The following CDK6 variants were observed in gnomAD, a reference collection of about 807,000 sequenced individuals.
The protein encoded by CDK6 is cyclin dependent kinase 6.
A neutral mutation model predicts 37.1 loss-of-function variants in CDK6; 6 were observed. The ratio of observed to expected loss-of-function variants is 0.16; its 90% CI spans 0.09 to 0.32. The LOEUF is 0.32. Ranked by LOEUF, CDK6 falls within the 10% of genes least tolerant of loss-of-function variation. The pLI is 1.00. For missense variants in CDK6, 224 were observed against 418.9 expected (o/e 0.53, Z 4.06); for synonymous variants, 160 against 161.3 (o/e 0.99, Z 0.06).
In CDK6 at chr7:92,834,545, A is replaced by G. The variant is rs1214445068; in HGVS notation, c.-367-855T>C. Among the ~76,000 whole-genome samples the G allele has an allele frequency of 3.3e-5, 5 of 151,858 alleles. No individual in the cohort carries two copies. The East Asian group carries it at 9.8e-4, about 30-fold the overall frequency. The stretch of plus-strand genomic sequence containing the variant: ...CCACGGGATCCCAAGGGTGGGAGAA[A>G]GGGGTGTTCGCCACAATTTCGCTTG... On this transcript the variant is annotated intron_variant, in intron 1 of 7. Transcript: ENST00000424848. This position sits in a 1 kb window ranked among gnomAD's most constrained non-coding sequence, Gnocchi z 4.6.
chr7:92,826,156 C>T (rs186091301), intron 2 of CDK6, among the ~76,000 whole-genome samples: 201 of 152,196 alleles, frequency 1.3e-3, no homozygotes, highest in Non-Finnish European at 2.4e-3. Context: ...TACGTATTCA[C>T]CTTATATCCA....
At chr7:92,826,582 G>C (rs887615014) in intron 2 of CDK6, among the ~76,000 whole-genome samples, 1 of 152,072 alleles carries the variant, frequency 6.6e-6, no homozygotes, top group African/African-American at 2.4e-5. Flanking sequence ...CTGTCTGTAG[G>C]ATACATGTTA....
At chr7:92,785,350 G>T (rs532811460) in intron 2 of CDK6, among the ~76,000 whole-genome samples, 1 of 152,120 alleles carries the variant, frequency 6.6e-6, no homozygotes, top group Non-Finnish European at 1.5e-5. Flanking sequence ...TATAGAAATC[G>T]AAAGTGGATT....
chr7:92,779,337 A>G (rs1799928709), intron 2 of CDK6, among the ~76,000 whole-genome samples: 2 of 152,308 alleles, frequency 1.3e-5, no homozygotes, highest in South Asian at 4.1e-4. Flanking sequence ...AACCTTGGAG[A>G]AAAAAGGACT....
At chr7:92,740,404 C>T (rs1798891905) in intron 3 of CDK6, among the ~76,000 whole-genome samples, 1 of 152,294 alleles carries the variant, frequency 6.6e-6, no homozygotes, top group Admixed American at 6.5e-5. Flanking sequence ...TGGCCACATC[C>T]TGGGCAATTC....
At chr7:92,702,364 CTGGGATTACAGGTGTGT>C (rs1210514093) in intron 4 of CDK6, among the ~76,000 whole-genome samples, 1 of 149,744 alleles carries the variant, frequency 6.7e-6, no homozygotes, top group Non-Finnish European at 1.5e-5. Context: ...TCCCGAGTAG[CTGGGATTACAGGTGTGT>C]ACCACCATGC....
chr7:92,645,944 G>A (rs1275778939), intron 5 of CDK6, among the ~76,000 whole-genome samples: 1 of 152,192 alleles, frequency 6.6e-6, no homozygotes, highest in Non-Finnish European at 1.5e-5. Flanking sequence ...GAGTCATAAA[G>A]ACTGTGTGAT....
At chr7:92,732,103 T>C (rs1318344914) in intron 3 of CDK6, among the ~76,000 whole-genome samples, 3 of 152,206 alleles carry the variant, frequency 2.0e-5, no homozygotes, top group African/African-American at 7.2e-5. Context: ...TATTTCCCCA[T>C]TTCAACACAC....
At chr7:92,645,328 C>T (rs1295425413) in intron 5 of CDK6, among the ~76,000 whole-genome samples, 3 of 152,204 alleles carry the variant, frequency 2.0e-5, no homozygotes, top group African/African-American at 7.2e-5. Context: ...CCCTAACATA[C>T]CCACACAGGA....
chr7:92,640,936 CATGCCTACT>C (rs1796290674), intron 5 of CDK6, among the ~76,000 whole-genome samples: 1 of 152,160 alleles, frequency 6.6e-6, no homozygotes, highest in Admixed American at 6.5e-5. Context: ...ATATTTACTA[CATGCCTACT>C]ATGTACCAGG....
chr7:92,608,525 T>C lies in CDK6; in HGVS notation c.*6615A>G, dbSNP rs1334165900. The C allele has an allele frequency of 1.7e-5, 4 of 231,310 alleles. No individual in the cohort carries two copies. The highest frequency in any genetic ancestry group is 4.4e-5 in the African/African-American group (2 of 45,234). The allele number at this position is 231,310 out of a possible 1,614,324, so 14.3% of individuals were successfully genotyped here. Reference sequence around the variant, plus strand: ...AAATAAAAAAATAAAAAAAAATTCCTGCAATTATACATCTTTTCTTTAAAA... The same window carrying C: ...AAATAAAAAAATAAAAAAAAATTCCCGCAATTATACATCTTTTCTTTAAAA... On this transcript the variant is annotated 3_prime_UTR_variant, in exon 8 of 8. Transcript: ENST00000424848.
chr7:92,791,709 T>C (rs1800285770), intron 2 of CDK6, among the ~76,000 whole-genome samples: 1 of 152,154 alleles, frequency 6.6e-6, no homozygotes, highest in Non-Finnish European at 1.5e-5. Flanking sequence ...CGAGGGGAAG[T>C]GGCTGGGGAG....
chr7:92,621,737 T>G (rs1293536615), intron 6 of CDK6, among the ~76,000 whole-genome samples: 1 of 152,188 alleles, frequency 6.6e-6, no homozygotes, highest in East Asian at 1.9e-4. Context: ...GGCTTTGTGT[T>G]GAATTTATCC....
At position 92,739,581 on chromosome 7, in the gene CDK6, T is replaced by C. The variant is rs183370604; in HGVS notation, c.370-13788A>G. Among the ~76,000 whole-genome samples the C allele has an allele frequency of 1.7e-3, 258 of 152,362 alleles. 1 individual carries two copies. The highest frequency in any genetic ancestry group is 5.5e-3 in the African/African-American group (229 of 41,586). On this transcript the variant is annotated intron_variant, in intron 3 of 7. Transcript: ENST00000424848. ...ACATATCTAACAAGTCACGAAATCA[T>C]GGTAATTATAGTTCCTACATTACCT...
At chr7:92,640,060 C>T (rs1410285116) in intron 5 of CDK6, among the ~76,000 whole-genome samples, 1 of 152,150 alleles carries the variant, frequency 6.6e-6, no homozygotes, top group African/African-American at 2.4e-5. Flanking sequence ...GGAGATAATA[C>T]ACCACCTGGC....
At chr7:92,741,677 C>A (rs1482097210) in intron 3 of CDK6, among the ~76,000 whole-genome samples, 1 of 151,884 alleles carries the variant, frequency 6.6e-6, no homozygotes, top group Non-Finnish European at 1.5e-5. Context: ...AAGTTAGTAG[C>A]CAGCAGTCTT....
chr7:92,779,141 G>T (rs144023540), intron 2 of CDK6, among the ~76,000 whole-genome samples: 1,922 of 152,078 alleles, frequency 0.013, 15 homozygotes, highest in Middle Eastern at 0.051. Context: ...CTCTTTGCAT[G>T]ACACAATTTA....
intron 3 of CDK6, among the ~76,000 whole-genome samples, chr7:92,751,119 T>A (rs1349624927): frequency 6.6e-6 from 1 of 152,156 alleles, no homozygotes; most frequent in African/African-American, 2.4e-5. Context: ...GCTTTCTGAA[T>A]TGCCAAGAGG....
chr7:92,784,659 GC>G (rs1315542974), intron 2 of CDK6, among the ~76,000 whole-genome samples: 5 of 152,176 alleles, frequency 3.3e-5, no homozygotes, highest in Non-Finnish European at 7.4e-5. Flanking sequence ...AACTCAAGTC[GC>G]AAGCCCTACT....
Sources: allele counts gnomAD v4.1 joint callset (sites outside exome capture counted in the v4.1 genomes callset), GRCh38; gene constraint gnomAD v4.1.1; non-coding constraint Gnocchi (gnomAD v3.1); transcripts MANE v1.5; gene names NCBI Gene and HGNC (gene_info 2026-07-23, HGNC 2026-07-21).